Variants in CACNA1A observed in about 807,000 individuals in gnomAD.
The protein encoded by CACNA1A is voltage-dependent P/Q-type calcium channel subunit alpha-1A.
A neutral mutation model predicts 262.4 loss-of-function variants in CACNA1A; 57 were observed. That is an observed-to-expected ratio of 0.22 (90% CI 0.18 to 0.27). The LOEUF is 0.27. Ranked by LOEUF, CACNA1A falls within the 10% of genes least tolerant of loss-of-function variation. CACNA1A has a pLI of 1.00. For missense variants in CACNA1A, 2,526 were observed against 3,562.8 expected (o/e 0.71, Z 7.41); for synonymous variants, 1,431 against 1,419.3 (o/e 1.01, Z -0.18).
intron 31 of CACNA1A, among the ~76,000 whole-genome samples, chr19:13,237,010 T>C (rs2055899983): frequency 1.3e-5 from 2 of 152,178 alleles, no homozygotes; most frequent in African/African-American, 4.8e-5. Flanking sequence ...TTAAAAATTA[T>C]TGCCATTGTT....
intron 1 of CACNA1A, among the ~76,000 whole-genome samples, chr19:13,464,543 A>ATTGTTTTTTTTTTTTT (rs1170388497): frequency 2.3e-5 from 3 of 128,960 alleles, no homozygotes; most frequent in Admixed American, 1.5e-4. Flanking sequence ...AACTTTTCCA[A>ATTGTTTTTTTTTTTTT]TTTTTTTTTT....
At chr19:13,389,441 G>A (rs910793996) in intron 3 of CACNA1A, among the ~76,000 whole-genome samples, 1 of 152,086 alleles carries the variant, frequency 6.6e-6, no homozygotes, top group Non-Finnish European at 1.5e-5. Flanking sequence ...GGACATAAGC[G>A]CTGATGGTGC....
intron 3 of CACNA1A, among the ~76,000 whole-genome samples, chr19:13,389,851 C>T (rs902312640): frequency 4.6e-5 from 7 of 152,072 alleles, no homozygotes; most frequent in African/African-American, 1.2e-4. Context: ...CTCGCTCTGT[C>T]GCCCAGGCCG....
intron 19 of CACNA1A, 150 bp from the exon 20 acceptor site, chr19:13,287,116 C>T (rs1392811439): frequency 1.7e-5 from 11 of 654,360 alleles, no homozygotes; most frequent in East Asian, 5.9e-5. Flanking sequence ...CTTTGGGAAG[C>T]GGAGGCAGGA....
chr19:13,488,987 T>C (rs550953048), intron 1 of CACNA1A, among the ~76,000 whole-genome samples: 13 of 149,338 alleles, frequency 8.7e-5, no homozygotes, highest in African/African-American at 3.0e-4. Flanking sequence ...TTATTGTAAT[T>C]AATTTCTTTT....
intron 18 of CACNA1A, 84 bp from the exon 19 acceptor site, chr19:13,299,437 C>G (rs2057743352): frequency 9.2e-7 from 1 of 1,088,614 alleles, no homozygotes; most frequent in South Asian, 1.3e-5. Context: ...ACCCACATCT[C>G]AGCCTCCCAC....
In CACNA1A at chr19:13,286,936, C is replaced by T. The variant is rs763969240; in HGVS notation, c.3120G>A (p.Ser1040=). The T allele has an allele frequency of 3.0e-5, 48 of 1,607,362 alleles. No homozygotes were observed. The highest frequency in any genetic ancestry group is 2.9e-4 in the South Asian group (26 of 90,706). ...GCCGGGTGGTTGACAGGTTGGGGCC[C>T]GACACAGGGACCCCGGAGCCCTGGT... ...KENQGSGVPV[S]GPNLSTTRPI... The change falls in exon 20 of 47, where the codon TCG becomes TCA. Residue 1040 remains serine, a synonymous_variant. Coordinates refer to ENST00000360228, the MANE Select transcript of CACNA1A (RefSeq NM_001127222.2).
chr19:13,367,242 C>A (rs1215302832), intron 4 of CACNA1A, among the ~76,000 whole-genome samples: 1 of 142,964 alleles, frequency 7.0e-6, no homozygotes, highest in Non-Finnish European at 1.5e-5. Context: ...TTGCAGTGAG[C>A]CAAGATGACG....
intron 31 of CACNA1A, among the ~76,000 whole-genome samples, chr19:13,238,454 C>G (rs919041588): frequency 6.6e-6 from 1 of 152,158 alleles, no homozygotes; most frequent in Admixed American, 6.5e-5. Context: ...GACCTCAGCT[C>G]CAAGCTGCAG....
rs1311659557 is a variant in CACNA1A, at chr19:13,338,050, T to C, written c.979-2141A>G. 6.6e-5 allele frequency among the ~76,000 whole-genome samples: 10 copies of C among 152,204 alleles called. No homozygotes were observed. In the East Asian group the frequency reaches 1.9e-3, roughly 29 times the overall value. On this transcript the variant is annotated intron_variant, in intron 6 of 46. Coordinates refer to ENST00000360228, the MANE Select transcript of CACNA1A (RefSeq NM_001127222.2). ...CTGGCTAACATGGTGAAACCCCGTC[T>C]CTACTAAAAATACAAAAAAAATTAG...
At chr19:13,458,471 GTTAA>G (rs145057170) in intron 1 of CACNA1A, among the ~76,000 whole-genome samples, 3,258 of 152,062 alleles carry the variant, frequency 0.021, 119 homozygotes, top group African/African-American at 0.073. Context: ...CTTTAAAATG[GTTAA>G]TTGTGTTATA....
intron 19 of CACNA1A, among the ~76,000 whole-genome samples, chr19:13,296,828 T>C (rs1600266868): frequency 6.6e-6 from 1 of 152,212 alleles, no homozygotes; most frequent in Admixed American, 6.5e-5. Flanking sequence ...GGTGCAATCA[T>C]AGCTCATCAT....
chr19:13,358,842 G>A (rs1229692527), intron 6 of CACNA1A, among the ~76,000 whole-genome samples: 1 of 152,196 alleles, frequency 6.6e-6, no homozygotes, highest in African/African-American at 2.4e-5. Flanking sequence ...GAAGGTCAGG[G>A]TGGAATTTAG....
At chr19:13,307,326 C>G (rs2057926022) in intron 15 of CACNA1A, 1 of 154,154 alleles carries the variant, frequency 6.5e-6, no homozygotes, top group Admixed American at 6.5e-5. Context: ...CCTCTGCCTC[C>G]CAGGTTCAAG....
At chr19:13,372,720 G>A (rs929993201) in intron 3 of CACNA1A, among the ~76,000 whole-genome samples, 9 of 152,138 alleles carry the variant, frequency 5.9e-5, no homozygotes, top group Non-Finnish European at 8.8e-5. Flanking sequence ...ACAGGTTACC[G>A]GTATGCTAAC....
At chr19:13,399,394 G>GAGAAGAAGAAGA (rs74375569) in intron 3 of CACNA1A, among the ~76,000 whole-genome samples, 78 of 143,550 alleles carry the variant, frequency 5.4e-4, no homozygotes, top group African/African-American at 1.8e-3. Flanking sequence ...ATCCAAAAAT[G>GAGAAGAAGAAGA]AGAAGAAGAA....
At chr19:13,255,834 C>T (rs1331818055) in intron 28 of CACNA1A, among the ~76,000 whole-genome samples, 1 of 140,400 alleles carries the variant, frequency 7.1e-6, no homozygotes, top group Non-Finnish European at 1.5e-5. Context: ...CCCTTCATTC[C>T]TTCCACCCTT....
intron 30 of CACNA1A, among the ~76,000 whole-genome samples, chr19:13,251,820 A>C (rs1476986965): frequency 1.3e-5 from 2 of 152,066 alleles, no homozygotes; most frequent in African/African-American, 2.4e-5. Flanking sequence ...GCTGGAGTGC[A>C]GTGGTGTGAT....
At chr19:13,342,974 C>G in intron 6 of CACNA1A, among the ~76,000 whole-genome samples, 1 of 151,812 alleles carries the variant, frequency 6.6e-6, no homozygotes, top group Middle Eastern at 3.4e-3. Context: ...AGGCTGGTCT[C>G]GAACTCCTGG....
Sources: allele counts gnomAD v4.1 joint callset (sites outside exome capture counted in the v4.1 genomes callset), GRCh38; gene constraint gnomAD v4.1.1; transcripts MANE v1.5; gene names NCBI Gene and HGNC (gene_info 2026-07-23, HGNC 2026-07-21).